TTBK2: variants seen among roughly 807,000 people sequenced by gnomAD.
The protein encoded by TTBK2 is tau-tubulin kinase 2.
TTBK2 carries 28 observed loss-of-function variants against 110.8 expected under a neutral mutation model. The ratio of observed to expected loss-of-function variants is 0.25; its 90% CI spans 0.19 to 0.35. The LOEUF (loss-of-function observed/expected upper bound fraction) is 0.35. Among genes scored for constraint, TTBK2 ranks in the 10% least tolerant of loss-of-function variants. TTBK2 has a pLI of 1.00. For missense variants in TTBK2, 1,369 were observed against 1,500.3 expected (o/e 0.91, Z 1.45); for synonymous variants, 532 against 527.3 (o/e 1.01, Z -0.12).
chr15:42,898,425 G>A (rs1895754337), intron 1 of TTBK2, among the ~76,000 whole-genome samples: 3 of 151,692 alleles, frequency 2.0e-5, no homozygotes, highest in African/African-American at 7.3e-5. Context: ...TGCACCTGTA[G>A]TCCCAGCTAC....
intron 6 of TTBK2, among the ~76,000 whole-genome samples, chr15:42,822,527 T>C (rs1892347948): frequency 6.6e-6 from 1 of 151,564 alleles, no homozygotes; most frequent in Non-Finnish European, 1.5e-5. Context: ...TAGTGAACAA[T>C]GCAAAGAGGG....
At chr15:42,766,752 G>A (rs567328762) in intron 13 of TTBK2, among the ~76,000 whole-genome samples, 1 of 152,128 alleles carries the variant, frequency 6.6e-6, no homozygotes, top group Non-Finnish European at 1.5e-5. Context: ...AGGATATCCA[G>A]GACTTGAACT....
intron 13 of TTBK2, among the ~76,000 whole-genome samples, chr15:42,770,661 C>T (rs1391436266): frequency 6.6e-6 from 1 of 152,106 alleles, no homozygotes; most frequent in African/African-American, 2.4e-5. Context: ...CCAAATTTTC[C>T]AGATCAAAAA....
At chr15:42,773,288 T>C (rs1238878740) in intron 13 of TTBK2, among the ~76,000 whole-genome samples, 1 of 151,976 alleles carries the variant, frequency 6.6e-6, no homozygotes, top group Admixed American at 6.6e-5. Context: ...TACAAAAAAA[T>C]TAGCCGGGCT....
chr15:42,756,267 A>G (rs562235591), intron 13 of TTBK2, among the ~76,000 whole-genome samples: 33 of 152,236 alleles, frequency 2.2e-4, no homozygotes, highest in Admixed American at 1.2e-3. Context: ...TACATTCGTC[A>G]AAATGAACAC....
intron 14 of TTBK2, among the ~76,000 whole-genome samples, chr15:42,749,816 C>A (rs889709684): frequency 6.6e-6 from 1 of 152,164 alleles, no homozygotes; most frequent in African/African-American, 2.4e-5. Flanking sequence ...AATCAGAAAG[C>A]TACTATGCTT....
chr15:42,783,438 A>G lies in TTBK2; in HGVS notation c.1178T>C (p.Ile393Thr), dbSNP rs746166321. 1.9e-6 allele frequency: 3 copies of G among 1,613,900 alleles called. No individual in the cohort carries two copies. Among genetic ancestry groups the G allele is most frequent in the South Asian group, 1.1e-5 (1 of 91,090 alleles). The change falls in exon 11 of 15, where the codon ATA becomes ACA. Residue 393 changes from isoleucine to threonine, a missense_variant. By Grantham distance (89) the Ile-to-Thr change is moderately conservative. Around this residue, in one of 4 missense-constraint regions of TTBK2, gnomAD observed 1,097 missense variants for 1,114.7 expected, o/e 0.98. Transcript: ENST00000267890. The part of the protein sequence containing the change: ...WEEMDANKNK[I>T]KLGICKAATE... ...TCATACCTTACAAATTCCAAGCTTT[A>G]TCTTGTTTTTGTTGGCATCCATCTC... is the stretch of plus-strand genomic sequence containing the variant.
At chr15:42,755,161 G>A (rs1030313902) in intron 13 of TTBK2, among the ~76,000 whole-genome samples, 5 of 150,950 alleles carry the variant, frequency 3.3e-5, no homozygotes, top group African/African-American at 9.8e-5. Flanking sequence ...TTATTTTCAC[G>A]TCACCTAAAG....
At chr15:42,813,288 A>C (rs1595938106) in intron 7 of TTBK2, among the ~76,000 whole-genome samples, 1 of 152,150 alleles carries the variant, frequency 6.6e-6, no homozygotes, top group East Asian at 1.9e-4. Context: ...TTGGGAGGCC[A>C]AGACAGGTGA....
intron 13 of TTBK2, among the ~76,000 whole-genome samples, chr15:42,763,123 T>C (rs1244778022): frequency 1.9e-5 from 2 of 102,722 alleles, no homozygotes; most frequent in African/African-American, 4.7e-5. Context: ...TATATACACA[T>C]ATATATACAT....
intron 12 of TTBK2, 50 bp downstream of exon 12, chr15:42,776,981 T>C (rs766938937): frequency 1.0e-5 from 16 of 1,546,430 alleles, no homozygotes; most frequent in Non-Finnish European, 1.4e-5. Flanking sequence ...ATGACAACAA[T>C]AATAATGGTA....
Position 42,746,184 on chromosome 15 carries a change from G to A in TTBK2, c.3346C>T (p.Gln1116Ter). The A allele has an allele frequency of 6.2e-7, 1 of 1,614,134 alleles. No homozygotes were observed. Among genetic ancestry groups the A allele is most frequent in the Non-Finnish European group, 8.5e-7 (1 of 1,180,028 alleles). ...CTCCGGGGTTTCTGAGATCCATTTT[G>A]AAGAATTTGGGCCAGGCGGGAGAAA... ...DLFSRLAQILQNGSQKPRSTT... is the reference protein window; with the variant it reads ...DLFSRLAQIL The change falls in exon 15 of 15, where the codon CAA becomes TAA. Residue 1116 changes from glutamine to a stop codon, truncating the protein, a stop_gained. Transcript: ENST00000267890. LOFTEE classifies it high-confidence loss of function.
Position 42,752,265 on chromosome 15 carries a change from T to C in TTBK2, c.2981A>G (p.Asp994Gly), listed in dbSNP as rs1176773786. The change falls in exon 14 of 15, where the codon GAC becomes GGC. Residue 994 changes from aspartate to glycine, a missense_variant. Physicochemically the swap from Asp to Gly is moderately conservative, Grantham distance 94. Coordinates refer to ENST00000267890, the MANE Select transcript of TTBK2 (RefSeq NM_173500.4). Reference protein sequence around the residue: ...EKRQFKSFLGDLSSASDKLLE... With the variant: ...EKRQFKSFLGGLSSASDKLLE... ...CAATTTATCAGAGGCACTTGAGAGGTCGCCAAGGAAGGACTTGAATTGTCT... is the reference window on the plus strand; with the variant it reads ...CAATTTATCAGAGGCACTTGAGAGGCCGCCAAGGAAGGACTTGAATTGTCT... 6 of 1,613,962 alleles carry C rather than the reference T, an allele frequency of 3.7e-6. No homozygotes were observed. The highest frequency in any genetic ancestry group is 1.3e-5 in the African/African-American group (1 of 74,880).
At chr15:42,802,122 G>A (rs748510831) in intron 9 of TTBK2, 1 of 1,449,646 alleles carries the variant, frequency 6.9e-7, no homozygotes, top group South Asian at 1.1e-5. Flanking sequence ...TGTTGTTGAG[G>A]GTCTTGATCT....
chr15:42,840,575 C>T (rs1470855525), intron 3 of TTBK2, 142 bp from the exon 4 acceptor site: 2 of 806,428 alleles, frequency 2.5e-6, no homozygotes, highest in South Asian at 1.4e-5. Context: ...TTATATTATT[C>T]AAATTTTCTA....
At chr15:42,761,659 A>G (rs2140658390) in intron 13 of TTBK2, among the ~76,000 whole-genome samples, 1 of 152,310 alleles carries the variant, frequency 6.6e-6, no homozygotes, top group Admixed American at 6.5e-5. Flanking sequence ...TCTCAAAAGA[A>G]GATATAGAAA....
chr15:42,810,822 G>A, intron 8 of TTBK2, 83 bp from the exon 9 acceptor site: 1 of 1,501,848 alleles, frequency 6.7e-7, no homozygotes, highest in Non-Finnish European at 9.2e-7. Context: ...CGTCTCAAGG[G>A]TATGTACTAG....
At chr15:42,798,943 G>A (rs1447060064) in intron 9 of TTBK2, among the ~76,000 whole-genome samples, 2 of 152,152 alleles carry the variant, frequency 1.3e-5, no homozygotes, top group African/African-American at 2.4e-5. Flanking sequence ...TCTGAAAATC[G>A]AAAATCCAAA....
intron 1 of TTBK2, among the ~76,000 whole-genome samples, chr15:42,880,010 A>G (rs894391070): frequency 2.0e-5 from 3 of 151,070 alleles, no homozygotes; most frequent in Non-Finnish European, 4.4e-5. Flanking sequence ...AAAAAAAAAA[A>G]AAAGAAAAGA....
Sources: gnomAD v4.1 joint callset for allele counts (sites outside exome capture counted in the v4.1 genomes callset) on GRCh38, gnomAD v4.1.1 for gene constraint, gnomAD v4.1.1 regional missense constraint, MANE v1.5 for transcripts, NCBI Gene and HGNC (gene_info 2026-07-23, HGNC 2026-07-21) for gene names.